SYT1: variants seen among roughly 807,000 people sequenced by gnomAD.
The protein encoded by SYT1 is synaptotagmin 1, also known as synaptotagmin-1.
SYT1 carries 8 observed loss-of-function variants against 44.8 expected under a neutral mutation model. The observed-to-expected ratio is 0.18, with a 90% CI of 0.10 to 0.32. The LOEUF (loss-of-function observed/expected upper bound fraction) is 0.32. Among genes scored for constraint, SYT1 ranks in the 10% least tolerant of loss-of-function variants. The pLI is 1.00. For synonymous variants in SYT1, 154 were observed against 188.8 expected (o/e 0.82, Z 1.51); for missense variants, 286 against 509.3 (o/e 0.56, Z 4.22).
At chr12:79,015,986 G>T (rs187293462) in intron 2 of SYT1, among the ~76,000 whole-genome samples, 1 of 152,106 alleles carries the variant, frequency 6.6e-6, no homozygotes, top group East Asian at 1.9e-4. Context: ...CTCCCTTCCT[G>T]GAAAATAATT....
intron 1 of SYT1, among the ~76,000 whole-genome samples, chr12:78,875,676 A>C (rs1874029718): frequency 6.6e-6 from 1 of 151,648 alleles, no homozygotes; most frequent in African/African-American, 2.4e-5. Context: ...GTATAATCTC[A>C]CCATGCTTTA....
In SYT1 at chr12:79,359,231, A is replaced by G. The variant is rs114875876; in HGVS notation, c.928+5612A>G. 2.7e-3 allele frequency among the ~76,000 whole-genome samples: 411 copies of G among 152,308 alleles called. 4 individuals are homozygous for G. The highest frequency in any genetic ancestry group is 8.2e-3 in the African/African-American group (341 of 41,582). On this transcript the variant is annotated intron_variant, in intron 9 of 10. Transcript: ENST00000261205. ...TGTCAAGCATGGGGGCAAGCTGGAAACCCATATGGTAAAGGGCTGAAATCA... is the reference window on the plus strand; with the variant it reads ...TGTCAAGCATGGGGGCAAGCTGGAAGCCCATATGGTAAAGGGCTGAAATCA...
intron 2 of SYT1, among the ~76,000 whole-genome samples, chr12:79,022,901 T>G (rs1872290428): frequency 6.6e-6 from 1 of 151,762 alleles, no homozygotes; most frequent in South Asian, 2.1e-4. Context: ...GACAAGCAAA[T>G]CTCTGTGTAC....
At chr12:79,370,298 A>T (rs138060816) in intron 9 of SYT1, among the ~76,000 whole-genome samples, 1 of 152,208 alleles carries the variant, frequency 6.6e-6, no homozygotes, top group African/African-American at 2.4e-5. Flanking sequence ...GCTGCAAAAT[A>T]CAGAATTCAA....
At chr12:78,988,786 A>C (rs1869827541) in intron 2 of SYT1, among the ~76,000 whole-genome samples, 1 of 152,122 alleles carries the variant, frequency 6.6e-6, no homozygotes. Context: ...GAGGGTTTTC[A>C]ATAGGAAAAT....
At chr12:79,131,040 A>T (rs1868780318) in intron 3 of SYT1, among the ~76,000 whole-genome samples, 1 of 151,594 alleles carries the variant, frequency 6.6e-6, no homozygotes, top group Non-Finnish European at 1.5e-5. Flanking sequence ...AAATTATTTC[A>T]CTTCTTTCTG....
At position 79,052,241 on chromosome 12, in the gene SYT1, C is replaced by T. The variant is rs572909968; in HGVS notation, c.-18+4879C>T. 6.6e-4 allele frequency among the ~76,000 whole-genome samples: 100 copies of T among 152,030 alleles called. 1 individual carries two copies. The highest frequency in any genetic ancestry group is 1.0e-3 in the Non-Finnish European group (68 of 68,004). On this transcript the variant is annotated intron_variant, in intron 3 of 10. Coordinates refer to ENST00000261205, the MANE Select transcript of SYT1 (RefSeq NM_005639.3). ...TGTAGTTCTCCTTGAAGGGGTCCTT[C>T]ACATCCCTTGTAAGTTGGATTCCCT...
chr12:79,196,620 C>T (rs1394498627), intron 3 of SYT1, among the ~76,000 whole-genome samples: 1 of 152,116 alleles, frequency 6.6e-6, no homozygotes, highest in East Asian at 1.9e-4. Context: ...TCCCTTTAAC[C>T]TTTGAAGGGG....
At chr12:79,296,299 C>A in intron 7 of SYT1, 63 bp downstream of exon 7, 2 of 1,502,906 alleles carry the variant, frequency 1.3e-6, no homozygotes, top group Non-Finnish European at 1.8e-6. Context: ...CTGATCTCAT[C>A]CTGACACATA....
At chr12:79,315,668 T>A (rs2138956944) in intron 8 of SYT1, among the ~76,000 whole-genome samples, 1 of 152,296 alleles carries the variant, frequency 6.6e-6, no homozygotes, top group Admixed American at 6.5e-5. Flanking sequence ...AATATTCTAG[T>A]CTCTCTTTAA....
intron 1 of SYT1, among the ~76,000 whole-genome samples, chr12:78,961,659 A>G (rs530582950): frequency 6.6e-6 from 1 of 152,154 alleles, no homozygotes; most frequent in Non-Finnish European, 1.5e-5. Flanking sequence ...TTGCTTAACA[A>G]TGAGCAATTC....
chr12:78,921,833 TGAGA>T (rs926185638), intron 1 of SYT1, among the ~76,000 whole-genome samples: 1 of 151,796 alleles, frequency 6.6e-6, no homozygotes, highest in Non-Finnish European at 1.5e-5. Context: ...GAGACACGGG[TGAGA>T]GAGACAAAAG....
At chr12:79,059,204 C>G (rs1022053952) in intron 3 of SYT1, among the ~76,000 whole-genome samples, 2 of 151,950 alleles carry the variant, frequency 1.3e-5, no homozygotes, top group African/African-American at 2.4e-5. Flanking sequence ...GAAAGACGCC[C>G]CCATAATTCA....
chr12:79,066,639 G>C (rs941957636), intron 3 of SYT1, among the ~76,000 whole-genome samples: 3 of 151,880 alleles, frequency 2.0e-5, no homozygotes, highest in African/African-American at 7.3e-5. Context: ...TTTACAAATG[G>C]GGATAATTAA....
intron 8 of SYT1, among the ~76,000 whole-genome samples, chr12:79,343,093 C>G (rs1312798502): frequency 6.6e-6 from 1 of 152,046 alleles, no homozygotes; most frequent in Non-Finnish European, 1.5e-5. Flanking sequence ...ATTATAGAAT[C>G]CAAGGAAAGA....
intron 4 of SYT1, among the ~76,000 whole-genome samples, chr12:79,264,072 G>A (rs1051816848): frequency 1.3e-5 from 2 of 151,948 alleles, no homozygotes; most frequent in Admixed American, 1.3e-4. Flanking sequence ...TTGTGATTGG[G>A]CTATGATTTT....
chr12:79,365,317 G>T (rs1403868236), intron 9 of SYT1, among the ~76,000 whole-genome samples: 27 of 151,854 alleles, frequency 1.8e-4, no homozygotes, highest in Non-Finnish European at 1.5e-5. Flanking sequence ...TGGTTGCATA[G>T]CATCCCTTTG....
intron 8 of SYT1, among the ~76,000 whole-genome samples, chr12:79,330,378 T>C (rs1881800747): frequency 1.3e-5 from 2 of 152,204 alleles, no homozygotes; most frequent in Admixed American, 1.3e-4. Context: ...GTGCTAACAG[T>C]ATCGTACTGG....
At chr12:79,362,807 A>G (rs2136028260) in intron 9 of SYT1, among the ~76,000 whole-genome samples, 1 of 152,338 alleles carries the variant, frequency 6.6e-6, no homozygotes, top group African/African-American at 2.4e-5. Context: ...GCTATTCAGG[A>G]TGATCTCAAA....
Sources: allele counts gnomAD v4.1 joint callset (sites outside exome capture counted in the v4.1 genomes callset), GRCh38; gene constraint gnomAD v4.1.1; transcripts MANE v1.5; gene names NCBI Gene and HGNC (gene_info 2026-07-23, HGNC 2026-07-21).